The following CLSTN2 variants were observed in gnomAD, a reference collection of about 807,000 sequenced individuals.
CLSTN2 encodes the protein calsyntenin 2, also known as calsyntenin-2.
CLSTN2 carries 48 observed loss-of-function variants against 101.2 expected under a neutral mutation model. That is an observed-to-expected ratio of 0.47 (90% CI 0.38 to 0.60). CLSTN2 has a LOEUF of 0.60. CLSTN2 is among the 20% of genes least tolerant of loss of function. The probability of loss-of-function intolerance (pLI) is 0.00; values close to 1 mark genes in which losing one functional copy is unlikely to be tolerated. For synonymous variants in CLSTN2, 481 were observed against 463.6 expected (o/e 1.04, Z -0.48); for missense variants, 1,160 against 1,238.2 (o/e 0.94, Z 0.95).
intron 1 of CLSTN2, among the ~76,000 whole-genome samples, chr3:140,053,776 A>G (rs2008046366): frequency 6.6e-6 from 1 of 152,106 alleles, no homozygotes; most frequent in Non-Finnish European, 1.5e-5. Flanking sequence ...CTGTTTCATT[A>G]TGTGTGAAAT....
At chr3:140,356,756 C>CAAAA (rs55634580) in intron 2 of CLSTN2, among the ~76,000 whole-genome samples, 9 of 111,100 alleles carry the variant, frequency 8.1e-5, no homozygotes, top group African/African-American at 2.1e-4. Context: ...GACCTTGTCT[C>CAAAA]AAAAAAAAAA....
chr3:140,197,556 G>A (rs2010661602), intron 2 of CLSTN2, among the ~76,000 whole-genome samples: 1 of 152,064 alleles, frequency 6.6e-6, no homozygotes, highest in South Asian at 2.1e-4. Flanking sequence ...TCACATAGAT[G>A]GGCATTACTC....
At chr3:140,448,832 A>G (rs1395327917) in intron 6 of CLSTN2, 128 bp downstream of exon 6, 8 of 810,410 alleles carry the variant, frequency 9.9e-6, no homozygotes, top group Non-Finnish European at 1.5e-5. Context: ...TAACTCCTGG[A>G]TGGATTTTAA....
At chr3:140,124,931 T>G (rs1373168800) in intron 1 of CLSTN2, among the ~76,000 whole-genome samples, 1 of 152,132 alleles carries the variant, frequency 6.6e-6, no homozygotes, top group Non-Finnish European at 1.5e-5. Context: ...AGACAGGGGC[T>G]AGGGCCATAG....
intron 1 of CLSTN2, among the ~76,000 whole-genome samples, chr3:140,155,832 A>AT (rs2009944867): frequency 6.6e-6 from 1 of 152,218 alleles, no homozygotes; most frequent in African/African-American, 2.4e-5. Context: ...CAAAATTCCA[A>AT]GACAGTCATG....
rs747263069 is a variant in CLSTN2 at position 140,563,929 on chromosome 3, A to C, written c.2483-32A>C. The C allele has an allele frequency of 3.7e-6, 6 of 1,608,372 alleles. No individual in the cohort carries two copies. In the South Asian group the frequency reaches 4.4e-5, roughly 12 times the overall value. ...ACAAGAATGAGCTAGGCCTTTGTTC[A>C]CCATGTCATGCGAGTTTTTTCCTTG... On this transcript the variant is annotated intron_variant, in intron 15 of 16. Transcript: ENST00000458420.
At chr3:140,306,069 T>C (rs2087111394) in intron 2 of CLSTN2, among the ~76,000 whole-genome samples, 1 of 152,210 alleles carries the variant, frequency 6.6e-6, no homozygotes, top group Non-Finnish European at 1.5e-5. Flanking sequence ...TACACCCTCA[T>C]AGAAATGTAT....
chr3:140,281,589 A>G (rs2086848026), intron 2 of CLSTN2, among the ~76,000 whole-genome samples: 1 of 152,170 alleles, frequency 6.6e-6, no homozygotes, highest in East Asian at 1.9e-4. Context: ...AGATGTTTCC[A>G]GGATCTCATT....
intron 8 of CLSTN2, among the ~76,000 whole-genome samples, chr3:140,521,301 C>G (rs1249752337): frequency 6.6e-6 from 1 of 152,126 alleles, no homozygotes; most frequent in Non-Finnish European, 1.5e-5. Flanking sequence ...GGTTGCTGAC[C>G]TTTGAATGGG....
chr3:140,121,872 A>G (rs1048686249), intron 1 of CLSTN2, among the ~76,000 whole-genome samples: 1 of 152,154 alleles, frequency 6.6e-6, no homozygotes, highest in Non-Finnish European at 1.5e-5. Flanking sequence ...CTACGCTGCC[A>G]ACACAGGAAC....
chr3:140,278,371 T>TC (rs1430187871), intron 2 of CLSTN2, among the ~76,000 whole-genome samples: 17 of 151,930 alleles, frequency 1.1e-4, no homozygotes, highest in Non-Finnish European at 2.4e-4. Flanking sequence ...AGCGAGCGGG[T>TC]CCCCACTACT....
intron 7 of CLSTN2, chr3:140,461,117 C>T (rs1021281188): frequency 6.6e-6 from 1 of 152,188 alleles, no homozygotes; most frequent in African/African-American, 2.4e-5. Flanking sequence ...TTACACACTG[C>T]TACAAGAACG....
chr3:140,563,302 C>G, intron 15 of CLSTN2, 99 bp downstream of exon 15: 1 of 1,396,864 alleles, frequency 7.2e-7, no homozygotes, highest in South Asian at 1.3e-5. Context: ...AACGTAGGTG[C>G]CCAGAACTGA....
intron 2 of CLSTN2, among the ~76,000 whole-genome samples, chr3:140,227,517 CAG>C (rs1346885118): frequency 1.3e-5 from 2 of 152,228 alleles, no homozygotes; most frequent in African/African-American, 4.8e-5. Context: ...TGCAAGCTCT[CAG>C]TGGATCTACC....
intron 2 of CLSTN2, among the ~76,000 whole-genome samples, chr3:140,260,137 T>C (rs1576488663): frequency 1.6e-5 from 1 of 63,068 alleles, no homozygotes; most frequent in South Asian, 4.3e-4. Context: ...GAAAAAGAAA[T>C]ATATATATAT....
chr3:140,181,437 T>TA (rs947996744), intron 2 of CLSTN2, among the ~76,000 whole-genome samples: 2 of 152,164 alleles, frequency 1.3e-5, no homozygotes, highest in Non-Finnish European at 2.9e-5. Flanking sequence ...TGATTTTTTT[T>TA]AAAAAAGAGA....
chr3:140,108,704 G>T (rs1209479594), intron 1 of CLSTN2, among the ~76,000 whole-genome samples: 1 of 152,102 alleles, frequency 6.6e-6, no homozygotes, highest in Non-Finnish European at 1.5e-5. Context: ...TTCATCTCAT[G>T]GTATTTATTT....
At chr3:140,440,515 T>C (rs2088749855) in intron 5 of CLSTN2, among the ~76,000 whole-genome samples, 1 of 152,232 alleles carries the variant, frequency 6.6e-6, no homozygotes, top group Non-Finnish European at 1.5e-5. Flanking sequence ...TGTAATTTAA[T>C]GCTCAAAAAT....
chr3:140,276,276 C>A (rs1037008646), intron 2 of CLSTN2, among the ~76,000 whole-genome samples: 1 of 152,160 alleles, frequency 6.6e-6, no homozygotes, highest in African/African-American at 2.4e-5. Flanking sequence ...GCATATGTAT[C>A]CCCTTGGCAT....
Sources: allele counts gnomAD v4.1 joint callset (sites outside exome capture counted in the v4.1 genomes callset), GRCh38; gene constraint gnomAD v4.1.1; transcripts MANE v1.5; gene names NCBI Gene and HGNC (gene_info 2026-07-23, HGNC 2026-07-21).